TENM2: variants seen among roughly 807,000 people sequenced by gnomAD.
TENM2 encodes the protein teneurin transmembrane protein 2.
TENM2 carries 52 observed loss-of-function variants against 245.2 expected under a neutral mutation model. The observed-to-expected ratio is 0.21, with a 90% CI of 0.17 to 0.27. The LOEUF is 0.27. Ranked by LOEUF, TENM2 falls within the 10% of genes least tolerant of loss-of-function variation. The pLI, the probability that TENM2 is intolerant of heterozygous loss-of-function variation, is 1.00. For missense variants in TENM2, 3,046 were observed against 3,666.8 expected (o/e 0.83, Z 4.37); for synonymous variants, 1,363 against 1,438.9 (o/e 0.95, Z 1.19).
the TENM2 span, among the ~76,000 whole-genome samples, chr5:166,984,449 C>T: frequency 2.6e-5 from 4 of 151,934 alleles, no homozygotes; most frequent in African/African-American, 9.7e-5. Flanking sequence ...TGACATCTCT[C>T]CTACTTCAAT....
chr5:168,076,385 C>A (rs1791479943), intron 7 of TENM2, among the ~76,000 whole-genome samples: 2 of 151,904 alleles, frequency 1.3e-5, no homozygotes, highest in South Asian at 4.2e-4. Flanking sequence ...CCCACCACAC[C>A]CGACTAATTT....
chr5:167,020,500 A>C, the TENM2 span, among the ~76,000 whole-genome samples: 1 of 152,166 alleles, frequency 6.6e-6, no homozygotes, highest in Non-Finnish European at 1.5e-5. Context: ...AAATCTCAGG[A>C]AACCTTTCTA....
At chr5:168,125,176 T>C (rs2152352756) in intron 11 of TENM2, 126 bp downstream of exon 13, 7 of 797,842 alleles carry the variant, frequency 8.8e-6, no homozygotes, top group Non-Finnish European at 1.4e-5. Context: ...ATGAATCACA[T>C]TGTGTCTTTC....
At chr5:167,582,397 A>G (rs776634628) in intron 2 of TENM2, among the ~76,000 whole-genome samples, 2 of 152,186 alleles carry the variant, frequency 1.3e-5, no homozygotes, top group Non-Finnish European at 2.9e-5. Context: ...TATATGTTTT[A>G]TGTGTTTATA....
chr5:167,052,878 A>G, the TENM2 span, among the ~76,000 whole-genome samples: 1 of 151,970 alleles, frequency 6.6e-6, no homozygotes, highest in African/African-American at 2.4e-5. Flanking sequence ...TTAGATTTTT[A>G]GAAGCTCAGT....
At chr5:167,631,769 C>T (rs186201306) in intron 2 of TENM2, among the ~76,000 whole-genome samples, 15 of 152,212 alleles carry the variant, frequency 9.9e-5, no homozygotes, top group Non-Finnish European at 2.2e-4. Flanking sequence ...TTAGAAAAGC[C>T]CTCCCTGACC....
chr5:167,938,802 G>A (rs1432394532), intron 3 of TENM2, among the ~76,000 whole-genome samples: 1 of 152,142 alleles, frequency 6.6e-6, no homozygotes, highest in Admixed American at 6.5e-5. Context: ...AATTAGCCGG[G>A]TGTGGTGGCA....
intron 2 of TENM2, among the ~76,000 whole-genome samples, chr5:167,851,591 T>C (rs1421979): frequency 0.6 from 91,261 of 152,030 alleles, 31,629 homozygotes; most frequent in South Asian, 0.79. Context: ...GAGGGTAGAC[T>C]TTTGACTATA....
At chr5:167,359,629 C>T (rs572174505) in intron 1 of TENM2, among the ~76,000 whole-genome samples, 8 of 152,030 alleles carry the variant, frequency 5.3e-5, no homozygotes, top group South Asian at 2.1e-4. Context: ...ATCGCTGTCA[C>T]GAAACCTTTG....
the TENM2 span, among the ~76,000 whole-genome samples, chr5:166,985,063 T>C: frequency 6.6e-6 from 1 of 152,156 alleles, no homozygotes. Context: ...TGGTTCCTTT[T>C]TGAAAAAAAT....
At chr5:167,413,359 T>G (rs995917780) in intron 2 of TENM2, among the ~76,000 whole-genome samples, 2 of 152,096 alleles carry the variant, frequency 1.3e-5, no homozygotes, top group African/African-American at 4.8e-5. Flanking sequence ...CCTGGAACCA[T>G]GTTTGTCAGA....
chr5:167,463,500 T>C (rs1189845918), intron 2 of TENM2, among the ~76,000 whole-genome samples: 1 of 123,450 alleles, frequency 8.1e-6, no homozygotes, highest in Non-Finnish European at 1.9e-5. Context: ...ATATTTATTT[T>C]ATTTTATTTT....
intron 12 of TENM2, among the ~76,000 whole-genome samples, chr5:168,158,850 T>TATACACACACAC (rs1339051385): frequency 3.2e-5 from 2 of 62,334 alleles, no homozygotes; most frequent in African/African-American, 1.2e-4. Flanking sequence ...TATATATATA[T>TATACACACACAC]ACACACACAC....
intron 2 of TENM2, among the ~76,000 whole-genome samples, chr5:167,802,740 G>A (rs1194559030): frequency 1.3e-5 from 2 of 152,118 alleles, no homozygotes; most frequent in Non-Finnish European, 2.9e-5. Flanking sequence ...TCTTCTGATG[G>A]TTTAAATGAA....
chr5:167,531,793 T>A (rs1771523498), intron 2 of TENM2, among the ~76,000 whole-genome samples: 1 of 152,204 alleles, frequency 6.6e-6, no homozygotes, highest in African/African-American at 2.4e-5. Context: ...GTTGGGGTTT[T>A]GTAGCTTTCT....
At chr5:167,535,160 A>G (rs557376556) in intron 2 of TENM2, among the ~76,000 whole-genome samples, 59 of 152,134 alleles carry the variant, frequency 3.9e-4, no homozygotes, top group African/African-American at 1.4e-3. Flanking sequence ...CACAGGGTAC[A>G]CAACATAAGT....
intron 18 of TENM2, among the ~76,000 whole-genome samples, chr5:168,204,049 G>T (rs1172013244): frequency 6.6e-6 from 1 of 151,918 alleles, no homozygotes; most frequent in Admixed American, 6.6e-5. Flanking sequence ...ACAGGGTCTT[G>T]CTCTGTCATC....
At chr5:167,704,617 A>G (rs1266726556) in intron 2 of TENM2, among the ~76,000 whole-genome samples, 1 of 152,212 alleles carries the variant, frequency 6.6e-6, no homozygotes, top group Non-Finnish European at 1.5e-5. Context: ...GGAAGAGGGC[A>G]GTACAGGCCA....
upstream of TENM2, among the ~76,000 whole-genome samples, chr5:167,283,942 T>TC (rs1326347269): frequency 6.6e-6 from 1 of 152,064 alleles, no homozygotes; most frequent in African/African-American, 2.4e-5. Context: ...TTAGAGAGGT[T>TC]CCTTCCCTTC....
Sources: allele counts gnomAD v4.1 joint callset (sites outside exome capture counted in the v4.1 genomes callset), GRCh38; gene constraint gnomAD v4.1.1; transcripts MANE v1.5; gene names NCBI Gene and HGNC (gene_info 2026-07-23, HGNC 2026-07-21).